Variants in TASOR2 observed in about 807,000 individuals in gnomAD.
TASOR2 encodes the protein protein TASOR 2.
Under a neutral mutation model 199.5 loss-of-function variants are expected in TASOR2, and 84 were observed. That is an observed-to-expected ratio of 0.42 (90% CI 0.35 to 0.50). TASOR2 has a LOEUF of 0.50. Among genes scored for constraint, TASOR2 ranks in the 20% least tolerant of loss-of-function variants. TASOR2 has a pLI of 0.02. For synonymous variants in TASOR2, 1,103 were observed against 1,046.6 expected (o/e 1.05, Z -1.04); for missense variants, 2,796 against 2,835.9 (o/e 0.99, Z 0.32).
At chr10:5,756,476 C>A in intron 15 of TASOR2, 137 bp from the exon 17 acceptor site, 1 of 687,818 alleles carries the variant, frequency 1.5e-6, no homozygotes, top group Non-Finnish European at 2.2e-6. Flanking sequence ...ATAAAAGGTG[C>A]TTATTTAGTA....
At position 5,742,494 on chromosome 10, in the gene TASOR2, G is replaced by T. The variant is rs1454319771; in HGVS notation, c.2725G>T (p.Asp909Tyr). The stretch of plus-strand genomic sequence containing the variant: ...AGAGTGTGATCCAGACACCCAAGAA[G>T]ACCAGAATTTCATCTGTTCTTACAA... Residue 909 changes from aspartate (D) to tyrosine (Y), a missense_variant, in exon 14 of 21, where the codon GAC becomes TAC. By Grantham distance (160) the Asp-to-Tyr change is radical (BLOSUM62 -3). Around this residue, in one of 3 missense-constraint regions of TASOR2, gnomAD observed 1,941 missense variants for 1,924.9 expected, o/e 1.01. Transcript: ENST00000328090. The surrounding 1 kb of genome is among the most constrained non-coding windows in gnomAD (Gnocchi z 4.2). 1.9e-6 allele frequency: 3 copies of T among 1,613,626 alleles called. No individual in the cohort carries two copies. Among genetic ancestry groups the T allele is most frequent in the Non-Finnish European group, 2.5e-6 (3 of 1,179,940 alleles).
intron 11 of TASOR2, among the ~76,000 whole-genome samples, chr10:5,732,346 G>A (rs1018849625): frequency 7.2e-5 from 11 of 152,248 alleles, no homozygotes; most frequent in South Asian, 2.1e-4. Context: ...CTCTCATGCC[G>A]TGTTGGCAGA....
At chr10:5,723,846 A>G (rs907554100) in intron 7 of TASOR2, 69 bp downstream of exon 8, 5 of 995,082 alleles carry the variant, frequency 5.0e-6, no homozygotes, top group South Asian at 1.7e-5. Flanking sequence ...CTCTCTTCCA[A>G]ACACTCACAC....
At chr10:5,746,339 C>G in exon 15 of TASOR2, 1 of 1,614,130 alleles carries the variant, frequency 6.2e-7, no homozygotes, top group Admixed American at 1.7e-5. Context: ...GGCACTGTTA[C>G]TCAAGCCACA....
rs370486977 is a variant in TASOR2 at position 5,698,917 on chromosome 10, C to G, written c.-288+13742C>G. 1.3e-5 allele frequency among the ~76,000 whole-genome samples: 2 copies of G among 152,212 alleles called. No individual in the cohort carries two copies. On this transcript the variant is annotated intron_variant, in intron 1 of 20. Coordinates refer to ENST00000328090, the Ensembl canonical transcript of TASOR2. The surrounding 1 kb of genome is among the most constrained non-coding windows in gnomAD (Gnocchi z 4.4). The stretch of plus-strand genomic sequence containing the variant: ...AATGGTGCAGCCACTTTGAAATCAG[C>G]CTGGCAGTTTCTCAGATGAGCAGAC...
At chr10:5,718,537 CAG>C (rs1168303246) in intron 3 of TASOR2, among the ~76,000 whole-genome samples, 2 of 151,782 alleles carry the variant, frequency 1.3e-5, no homozygotes, top group African/African-American at 4.8e-5. Flanking sequence ...CACCTGAGGT[CAG>C]GAGTTTGAGA....
chr10:5,731,459 CAG>C (rs1429866826), intron 11 of TASOR2, among the ~76,000 whole-genome samples: 1 of 152,176 alleles, frequency 6.6e-6, no homozygotes, highest in Non-Finnish European at 1.5e-5. Context: ...ACCCAAGAGA[CAG>C]AGGTTGCAGT....
At position 5,711,928 on chromosome 10, in the gene TASOR2, G is replaced by C. The variant is rs1008548309; in HGVS notation, c.-287-895G>C. Among the ~76,000 whole-genome samples, 4 of 151,796 alleles carry C rather than the reference G, an allele frequency of 2.6e-5. No individual in the cohort carries two copies. In the East Asian group the frequency reaches 5.8e-4, roughly 22 times the overall value. On this transcript the variant is annotated intron_variant, in intron 1 of 20. Transcript: ENST00000328090. ...TGGGCAATAGTAGGTCCCTTAAAAG[G>C]GACCTAGCTGACTTAGGGATTTAAT...
At position 5,731,260 on chromosome 10, in the gene TASOR2, TG is replaced by T. The variant is rs1834776016; in HGVS notation, c.1204+59del. 205 of 1,509,688 alleles carry T rather than the reference TG, an allele frequency of 1.4e-4. 4 individuals carry two copies. In the South Asian group the frequency reaches 2.5e-3, roughly 18 times the overall value. 93.5% of individuals were successfully genotyped at this position (1,509,688 alleles called of 1,614,324 possible). A position where few individuals can be genotyped will look rare whatever the true frequency, so the allele number is the denominator to read the frequency against. Reference sequence around the variant, plus strand: ...AATAATAGTTGTGGCCAGGCGTTGGTGGCTCATGCCTGTAATCCCAGCACTT... The same window carrying T: ...AATAATAGTTGTGGCCAGGCGTTGGTGCTCATGCCTGTAATCCCAGCACTT... On this transcript the variant is annotated intron_variant, in intron 11 of 20. Transcript: ENST00000328090.
chr10:5,711,964 A>G (rs1169036008), intron 1 of TASOR2, among the ~76,000 whole-genome samples: 1 of 151,702 alleles, frequency 6.6e-6, no homozygotes, highest in African/African-American at 2.4e-5. Flanking sequence ...GAAAATATGT[A>G]AAGAGTAAGT....
intron 1 of TASOR2, among the ~76,000 whole-genome samples, chr10:5,707,680 C>T (rs1020274318): frequency 6.6e-6 from 1 of 150,922 alleles, no homozygotes; most frequent in African/African-American, 2.4e-5. Context: ...CTCTGTCTCC[C>T]CCCCCAACCC....
At position 5,748,648 on chromosome 10, in the gene TASOR2, G is replaced by A. The variant is rs772684169; in HGVS notation, c.5227G>A (p.Glu1743Lys). ...AGATGTGTCAACATGTGAAACAAAG[G>A]AGCTATTGAATGTCGGGGTTTCCTC... The change falls in exon 15 of 21, where the codon GAG (glutamate) becomes AAG (lysine). Residue 1743 changes from glutamate to lysine, a missense_variant. Glu to Lys is a moderately conservative substitution (Grantham distance 56). Around this residue, in one of 3 missense-constraint regions of TASOR2, gnomAD observed 1,941 missense variants for 1,924.9 expected, o/e 1.01. Transcript: ENST00000328090. This position sits in a 1 kb window ranked among gnomAD's most constrained non-coding sequence, Gnocchi z 5.1. The A allele has an allele frequency of 6.2e-7, 1 of 1,614,240 alleles. No individual in the cohort carries two copies. Among genetic ancestry groups the A allele is most frequent in the Non-Finnish European group, 8.5e-7 (1 of 1,180,046 alleles).
Position 5,730,526 on chromosome 10 carries a change from A to C in TASOR2, c.527A>C (p.Lys176Thr). 6.2e-7 allele frequency: 1 copy of C among 1,611,152 alleles called. No individual in the cohort carries two copies. The highest frequency in any genetic ancestry group is 8.5e-7 in the Non-Finnish European group (1 of 1,179,036). ...AAAGTTGAAGATGACATCTCAATGA[A>C]GGTGATACCTATTTTATCTACCCTT... The change falls in exon 11 of 21, where the codon AAG becomes ACG. Residue 176 changes from lysine to threonine, a missense_variant. Lys to Thr is a moderately conservative substitution (Grantham distance 78). Around this residue, in one of 3 missense-constraint regions of TASOR2, gnomAD observed 847 missense variants for 887.4 expected, o/e 0.95. Transcript: ENST00000328090. This position sits in a 1 kb window ranked among gnomAD's most constrained non-coding sequence, Gnocchi z 4.1.
rs187275563 is a variant in TASOR2, at chr10:5,759,924, G to A, written c.6992+932G>A. Among the ~76,000 whole-genome samples, 508 of 152,316 alleles carry A rather than the reference G, an allele frequency of 3.3e-3. 1 individual carries two copies. The highest frequency in any genetic ancestry group is 3.3e-3 in the Non-Finnish European group (225 of 68,038). On this transcript the variant is annotated intron_variant, in intron 18 of 20. Coordinates refer to ENST00000328090, the Ensembl canonical transcript of TASOR2. ...GTAACCAGCACTTGAGGGGAAAAAC[G>A]TCAACTTCGGTAAGTAGAGAAGCAC... is the stretch of plus-strand genomic sequence containing the variant.
At chr10:5,724,098 T>A (rs756416870) in intron 7 of TASOR2, among the ~76,000 whole-genome samples, 1 of 152,220 alleles carries the variant, frequency 6.6e-6, no homozygotes, top group Non-Finnish European at 1.5e-5. Context: ...GTTTTATTTA[T>A]AGAGGTACTT....
chr10:5,762,721 G>C, intron 20 of TASOR2, 75 bp downstream of exon 21: 1 of 783,592 alleles, frequency 1.3e-6, no homozygotes, highest in African/African-American at 1.8e-5. Context: ...TTGTGTCTAA[G>C]GGAAACAGTT....
chr10:5,756,811 C>T lies in TASOR2; in HGVS notation c.6732+73C>T, dbSNP rs1057391018. 294 of 1,492,470 alleles carry T rather than the reference C, an allele frequency of 2.0e-4. 1 individual carries two copies. The highest frequency in any genetic ancestry group is 2.6e-4 in the Non-Finnish European group (283 of 1,106,088). 92.5% of individuals were successfully genotyped at this position (1,492,470 alleles called of 1,614,324 possible). ...TGTTCTGTAATGCTCAGACTCATCC[C>T]TCTTTTTTTATGTAGAAGAGAAGCT... On this transcript the variant is annotated intron_variant, in intron 16 of 20. Coordinates refer to ENST00000328090, the Ensembl canonical transcript of TASOR2.
chr10:5,748,802 T>C lies in TASOR2; in HGVS notation c.5381T>C (p.Ile1794Thr), dbSNP rs768461808. The C allele has an allele frequency of 6.2e-7, 1 of 1,614,102 alleles. No homozygotes were observed. Among genetic ancestry groups the C allele is most frequent in the Non-Finnish European group, 8.5e-7 (1 of 1,180,012 alleles). ...GGAATAGCCACAGAGCACGTAGAAA[T>C]TGAGAACAGTGGGGAGGGGCTCAGG... Residue 1794 changes from isoleucine (I) to threonine (T), a missense_variant, in exon 15 of 21, where the codon ATT (isoleucine) becomes ACT (threonine). Physicochemically the swap from Ile to Thr is moderately conservative, Grantham distance 89. Coordinates refer to ENST00000328090, the Ensembl canonical transcript of TASOR2. The surrounding 1 kb of genome is among the most constrained non-coding windows in gnomAD (Gnocchi z 5.1).
chr10:5,688,376 C>A (rs552761620), intron 1 of TASOR2, among the ~76,000 whole-genome samples: 1 of 150,472 alleles, frequency 6.6e-6, no homozygotes, highest in South Asian at 2.1e-4. Flanking sequence ...CACACACCAC[C>A]AGGCCCAGCT....
Sources: allele counts gnomAD v4.1 joint callset (sites outside exome capture counted in the v4.1 genomes callset), GRCh38; gene constraint gnomAD v4.1.1; regional missense constraint gnomAD v4.1.1; non-coding constraint Gnocchi (gnomAD v3.1); transcripts MANE v1.5; gene names NCBI Gene and HGNC (gene_info 2026-07-23, HGNC 2026-07-21).